OR9Q1: variants seen among roughly 807,000 people sequenced by gnomAD.
OR9Q1 encodes olfactory receptor family 9 subfamily Q member 1.
For synonymous variants in OR9Q1, 153 were observed against 148.6 expected (o/e 1.03, Z -0.22); for missense variants, 374 against 378.8 (o/e 0.99, Z 0.11).
chr11:58,112,997 G>C (rs910239588), intron 2 of OR9Q1, among the ~76,000 whole-genome samples: 2 of 152,036 alleles, frequency 1.3e-5, no homozygotes, highest in African/African-American at 4.8e-5. Context: ...CCCTAGAGTT[G>C]GAGAGGACCT....
intron 2 of OR9Q1, among the ~76,000 whole-genome samples, chr11:58,062,126 AC>A (rs1323757036): frequency 2.6e-5 from 4 of 152,298 alleles, no homozygotes; most frequent in Non-Finnish European, 5.9e-5. Flanking sequence ...TTTCAACGTG[AC>A]CAACATTGTG....
In OR9Q1 at chr11:58,042,286, G is replaced by A. The variant is rs987415342; in HGVS notation, c.-92-13584G>A. 5.9e-5 allele frequency among the ~76,000 whole-genome samples: 9 copies of A among 152,022 alleles called. No homozygotes were observed. In the South Asian group the frequency reaches 8.3e-4, roughly 14 times the overall value. ...GGGTTTTTATGGTTTTAGGTCTAACGTTTAAGTCTTTAATCCATCTTGAAT... is the reference window on the plus strand; with the variant it reads ...GGGTTTTTATGGTTTTAGGTCTAACATTTAAGTCTTTAATCCATCTTGAAT... On this transcript the variant is annotated intron_variant, in intron 1 of 2. Transcript: ENST00000335397.
chr11:58,149,746 A>G (rs1416564331), intron 2 of OR9Q1, among the ~76,000 whole-genome samples: 2 of 152,198 alleles, frequency 1.3e-5, no homozygotes, highest in African/African-American at 2.4e-5. Flanking sequence ...CTTTCATTTA[A>G]CACAATGTTC....
intron 2 of OR9Q1, among the ~76,000 whole-genome samples, chr11:58,060,525 G>A (rs1853370185): frequency 6.6e-6 from 1 of 152,190 alleles, no homozygotes; most frequent in Non-Finnish European, 1.5e-5. Context: ...GGTTGTCAGT[G>A]TAGAGTGTGA....
intron 2 of OR9Q1, among the ~76,000 whole-genome samples, chr11:58,093,584 C>G (rs996864284): frequency 2.0e-5 from 3 of 151,760 alleles, no homozygotes; most frequent in Non-Finnish European, 4.4e-5. Flanking sequence ...CACGGTGAAA[C>G]CTTGTCTCTA....
At chr11:58,089,058 A>G (rs1233040036) in intron 2 of OR9Q1, among the ~76,000 whole-genome samples, 2 of 151,404 alleles carry the variant, frequency 1.3e-5, no homozygotes, top group South Asian at 4.2e-4. Flanking sequence ...TTTTATTTTT[A>G]GTAGAGATGG....
chr11:58,035,714 C>A (rs961236387), intron 1 of OR9Q1, among the ~76,000 whole-genome samples: 1 of 152,212 alleles, frequency 6.6e-6, no homozygotes, highest in South Asian at 2.1e-4. Context: ...TCTGACCTAT[C>A]GCATTTTCCA....
At chr11:58,082,794 A>T (rs1335089359) in intron 2 of OR9Q1, among the ~76,000 whole-genome samples, 5 of 149,084 alleles carry the variant, frequency 3.4e-5, no homozygotes, top group African/African-American at 1.2e-4. Context: ...TTCTTTTTTT[A>T]AAATTTTATT....
intron 2 of OR9Q1, among the ~76,000 whole-genome samples, chr11:58,140,330 C>T (rs937434896): frequency 2.1e-4 from 32 of 152,082 alleles, no homozygotes; most frequent in Admixed American, 2.1e-3. Context: ...GTTGCCATTG[C>T]TTTTGGTGTT....
intron 2 of OR9Q1, among the ~76,000 whole-genome samples, chr11:58,172,492 C>G (rs1308476027): frequency 1.3e-5 from 2 of 152,056 alleles, no homozygotes; most frequent in African/African-American, 4.8e-5. Flanking sequence ...TTTATTTCCT[C>G]CCTTTATTTA....
chr11:58,177,280 T>A (rs549395409), intron 2 of OR9Q1, among the ~76,000 whole-genome samples: 2 of 152,340 alleles, frequency 1.3e-5, no homozygotes, highest in Admixed American at 1.3e-4. Flanking sequence ...GTTGGAATAA[T>A]CAGGTGATGC....
At chr11:58,120,055 A>G (rs1854012328) in intron 2 of OR9Q1, among the ~76,000 whole-genome samples, 1 of 152,244 alleles carries the variant, frequency 6.6e-6, no homozygotes. Context: ...TTCAATGGGC[A>G]GTAAAAAAAT....
At position 58,119,051 on chromosome 11, in the gene OR9Q1, A is replaced by G. The variant is rs758496662; in HGVS notation, c.-14-60380A>G. 24 of 1,614,056 alleles carry G rather than the reference A, an allele frequency of 1.5e-5. 1 individual carries two copies. The South Asian group carries it at 1.6e-4, about 11-fold the overall frequency. On this transcript the variant is annotated intron_variant, in intron 2 of 2. Coordinates refer to ENST00000335397, the MANE Select transcript of OR9Q1 (RefSeq NM_001005212.4). ...AGCCTGGGATTCATGGCCACGGTAT[A>G]GAGCAGTGGGTTGCGAATGGCAGCA...
At chr11:58,081,406 G>C (rs1219249909) in intron 2 of OR9Q1, among the ~76,000 whole-genome samples, 2 of 152,116 alleles carry the variant, frequency 1.3e-5, no homozygotes, top group Non-Finnish European at 2.9e-5. Flanking sequence ...GTCTTCCACA[G>C]TGATTGAACT....
chr11:58,089,286 A>T (rs1173948755), intron 2 of OR9Q1, among the ~76,000 whole-genome samples: 1 of 151,804 alleles, frequency 6.6e-6, no homozygotes, highest in Non-Finnish European at 1.5e-5. Context: ...TGGGTTTTAC[A>T]TTTAAGTCTT....
chr11:58,025,606 C>T (rs537910879), intron 1 of OR9Q1, among the ~76,000 whole-genome samples: 18 of 152,294 alleles, frequency 1.2e-4, no homozygotes, highest in Admixed American at 2.6e-4. Context: ...CTGGAACTCT[C>T]GCTCAGAAAG....
At chr11:58,105,576 T>A (rs1198874382) in intron 2 of OR9Q1, among the ~76,000 whole-genome samples, 1 of 152,206 alleles carries the variant, frequency 6.6e-6, no homozygotes, top group South Asian at 2.1e-4. Context: ...AGGCTCTAGG[T>A]TGTGCAGTAG....
chr11:58,147,479 A>G (rs1295198485), intron 2 of OR9Q1, among the ~76,000 whole-genome samples: 2 of 152,222 alleles, frequency 1.3e-5, no homozygotes, highest in African/African-American at 2.4e-5. Context: ...GTAAAAACAA[A>G]GAAATGAGTA....
intron 2 of OR9Q1, among the ~76,000 whole-genome samples, chr11:58,097,435 A>C (rs538980848): frequency 1.2e-4 from 19 of 152,336 alleles, no homozygotes; most frequent in Admixed American, 4.6e-4. Flanking sequence ...CCAATGTCAT[A>C]CAATTTTATA....
Sources: gnomAD v4.1 joint callset for allele counts (sites outside exome capture counted in the v4.1 genomes callset) on GRCh38, gnomAD v4.1.1 for gene constraint, MANE v1.5 for transcripts, NCBI Gene and HGNC (gene_info 2026-07-23, HGNC 2026-07-21) for gene names.